Variants in F11 observed in about 807,000 individuals in gnomAD.
The protein encoded by F11 is coagualtion factor XI.
Under a neutral mutation model 76.5 loss-of-function variants are expected in F11, and 78 were observed. That is an observed-to-expected ratio of 1.02 (90% CI 0.85 to 1.23). The LOEUF (loss-of-function observed/expected upper bound fraction) is 1.23. F11 is among the 50% of genes most tolerant of loss of function. The pLI is 0.00. For missense variants in F11, 742 were observed against 771.4 expected (o/e 0.96, Z 0.45); for synonymous variants, 278 against 276.3 (o/e 1.01, Z -0.06).
At position 186,284,200 on chromosome 4, in the gene F11, T is replaced by C. The variant is rs750789555; in HGVS notation, c.1244T>C (p.Leu415Pro). 5 of 1,614,234 alleles carry C rather than the reference T, an allele frequency of 3.1e-6. No homozygotes were observed. The South Asian group carries it at 5.5e-5, about 18-fold the overall frequency. The change falls in exon 11 of 15, where the codon CTG becomes CCG. Residue 415 changes from leucine to proline, a missense_variant. Physicochemically the swap from Leu to Pro is moderately conservative, Grantham distance 98 (BLOSUM62 -3). Coordinates refer to ENST00000403665, the MANE Select transcript of F11 (RefSeq NM_000128.4). ...LHTTSPTQRH[L>P]CGGSIIGNQW... is the part of the protein sequence containing the mutation. ...ACAACCTCACCCACTCAGAGACACC[T>C]GTGTGGAGGCTCCATCATTGGAAAC...
Position 186,285,674 on chromosome 4 carries a change from C to T in F11, c.1341C>T (p.Gly447=). 6.2e-7 allele frequency: 1 copy of T among 1,614,072 alleles called. No individual in the cohort carries two copies. Among genetic ancestry groups the T allele is most frequent in the Non-Finnish European group, 8.5e-7 (1 of 1,180,016 alleles). The part of the protein sequence containing the change: ...ESPKILRVYS[G]ILNQSEIKED... Reference sequence around the variant, plus strand: ...CTAAGATTTTGCGTGTCTACAGTGGCATTTTAAATCAATCTGAAATAAAAG... The same window carrying T: ...CTAAGATTTTGCGTGTCTACAGTGGTATTTTAAATCAATCTGAAATAAAAG... Residue 447 remains glycine, a synonymous_variant, in exon 12 of 15, where the codon GGC becomes GGT. Coordinates refer to ENST00000403665, the MANE Select transcript of F11 (RefSeq NM_000128.4).
At chr4:186,288,431 T>C (rs1202807899) in intron 14 of F11, 22 bp from the exon 15 acceptor site, 1 of 1,613,990 alleles carries the variant, frequency 6.2e-7, no homozygotes, top group Admixed American at 1.7e-5. Context: ...TGTGCACCTT[T>C]TCTTGTCTCC....
chr4:186,282,654 C>T, intron 10 of F11: 1 of 985,096 alleles, frequency 1.0e-6, no homozygotes, highest in South Asian at 4.7e-5. Flanking sequence ...TACTATTTAC[C>T]TATTAATTTT....
At position 186,284,142 on chromosome 4, in the gene F11, C is replaced by T. The variant is rs771896253; in HGVS notation, c.1186C>T (p.Arg396Cys). 14 of 1,614,078 alleles carry T rather than the reference C, an allele frequency of 8.7e-6. No homozygotes were observed. Among genetic ancestry groups the T allele is most frequent in the Middle Eastern group, 1.6e-4 (1 of 6,084 alleles). ...GATCGTTGGAGGAACTGCGTCTGTT[C>T]GTGGTGAGTGGCCGTGGCAGGTGAC... ...PRIVGGTASV[R>C]GEWPWQVTLH... Residue 396 changes from arginine (R) to cysteine (C), a missense_variant, in exon 11 of 15, where the codon CGT becomes TGT. Physicochemically the swap from Arg to Cys is radical, Grantham distance 180 (BLOSUM62 -3). Coordinates refer to ENST00000403665, the MANE Select transcript of F11 (RefSeq NM_000128.4).
intron 3 of F11, among the ~76,000 whole-genome samples, chr4:186,272,205 C>T (rs1465860783): frequency 1.3e-5 from 2 of 152,134 alleles, no homozygotes; most frequent in East Asian, 3.9e-4. Flanking sequence ...ACCAAAACCG[C>T]AATGTTTGCT....
At position 186,274,153 on chromosome 4, in the gene F11, G is replaced by A. The variant is rs1358180761; in HGVS notation, c.363G>A (p.Lys121=). The change falls in exon 5 of 15, where the codon AAG becomes AAA. Residue 121 remains lysine, a synonymous_variant. Transcript: ENST00000403665. ...NKDIYVDLDM[K]GINYNSSVAK... ...ACATTTATGTGGACCTAGACATGAA[G>A]GGCATAAACTATAACAGCTCAGTTG... 2.5e-6 allele frequency: 4 copies of A among 1,614,010 alleles called. No homozygotes were observed. In the Admixed American group the frequency reaches 6.7e-5, roughly 27 times the overall value.
intron 2 of F11, among the ~76,000 whole-genome samples, chr4:186,271,149 ATG>A (rs1320145837): frequency 6.6e-6 from 1 of 152,152 alleles, no homozygotes; most frequent in African/African-American, 2.4e-5. Flanking sequence ...TGGGGTGAGG[ATG>A]TGTGTTATCA....
intron 7 of F11, among the ~76,000 whole-genome samples, chr4:186,279,057 CA>C (rs1417766558): frequency 3.3e-5 from 5 of 152,096 alleles, no homozygotes; most frequent in African/African-American, 1.2e-4. Context: ...TCTATAAGCC[CA>C]AACTTGGCAA....
Position 186,285,766 on chromosome 4 carries a change from G to A in F11, c.1433G>A (p.Gly478Glu). Residue 478 changes from glycine to glutamate, a missense_variant, in exon 12 of 15, where the codon GGG becomes GAG. Transcript: ENST00000403665. ...GATCAGTATAAAATGGCAGAAAGCGGGTATGATATTGCCTTGTTGAAACTG... is the reference window on the plus strand; with the variant it reads ...GATCAGTATAAAATGGCAGAAAGCGAGTATGATATTGCCTTGTTGAAACTG... Reference protein sequence around the residue: ...IHDQYKMAESGYDIALLKLET... With the variant: ...IHDQYKMAESEYDIALLKLET... 1.2e-6 allele frequency: 2 copies of A among 1,614,136 alleles called. No homozygotes were observed. Among genetic ancestry groups the A allele is most frequent in the Non-Finnish European group, 8.5e-7 (1 of 1,180,016 alleles).
Position 186,282,137 on chromosome 4 carries a change from G to T in F11, c.1135+1557G>T, listed in dbSNP as rs1561488200. On this transcript the variant is annotated intron_variant, in intron 10 of 14. Transcript: ENST00000403665. Reference sequence around the variant, plus strand: ...TTAGCAAATGTTGCTGTTAAGTAATGTTGACATGGTTTAATAAAATGGGAA... The same window carrying T: ...TTAGCAAATGTTGCTGTTAAGTAATTTTGACATGGTTTAATAAAATGGGAA... 2.6e-6 allele frequency: 3 copies of T among 1,142,918 alleles called. No homozygotes were observed. The Admixed American group carries it at 8.8e-5, about 34-fold the overall frequency. The allele number at this position is 1,142,918 out of a possible 1,614,324, so 70.8% of individuals were successfully genotyped here.
intron 6 of F11, 133 bp downstream of exon 6, chr4:186,276,029 A>T (rs763485843): frequency 2.1e-6 from 2 of 940,136 alleles, no homozygotes; most frequent in Non-Finnish European, 3.3e-6. Context: ...CATGTGATAG[A>T]TTTCATCATG....
rs746070798 is a variant in F11, at chr4:186,288,560, C to A, written c.1824C>A (p.Tyr608Ter). The A allele has an allele frequency of 8.1e-6, 13 of 1,614,142 alleles. No individual in the cohort carries two copies. The highest frequency in any genetic ancestry group is 1.1e-5 in the Non-Finnish European group (13 of 1,180,034). The part of the protein sequence containing the change: ...GCAQRERPGV[Y>*]TNVVEYVDWI... Reference sequence around the variant, plus strand: ...CTCAAAGGGAGCGGCCAGGTGTTTACACCAACGTGGTCGAGTACGTGGACT... The same window carrying A: ...CTCAAAGGGAGCGGCCAGGTGTTTAAACCAACGTGGTCGAGTACGTGGACT... Residue 608 changes from tyrosine (Y) to a stop codon, truncating the protein, a stop_gained, in exon 15 of 15, where the codon TAC becomes TAA. Coordinates refer to ENST00000403665, the MANE Select transcript of F11 (RefSeq NM_000128.4). LOFTEE classifies it high-confidence loss of function.
chr4:186,280,515 C>A lies in F11; in HGVS notation c.1070C>A (p.Thr357Asn), dbSNP rs201540073. The change falls in exon 10 of 15, where the codon ACT (threonine) becomes AAT (asparagine). Residue 357 changes from threonine to asparagine, a missense_variant. Physicochemically the swap from Thr to Asn is moderately conservative, Grantham distance 65 (BLOSUM62 0). Transcript: ENST00000403665. ...YLKLSSNGSP[T>N]KILHGRGGIS... Reference sequence around the variant, plus strand: ...AAGCTTTCTTCAAACGGATCTCCAACTAAAATACTTCACGGGAGAGGAGGC... The same window carrying A: ...AAGCTTTCTTCAAACGGATCTCCAAATAAAATACTTCACGGGAGAGGAGGC... The A allele has an allele frequency of 8.1e-6, 13 of 1,614,162 alleles. No individual in the cohort carries two copies. The Admixed American group carries it at 1.7e-4, about 21-fold the overall frequency.
chr4:186,280,277 A>T lies in F11; in HGVS notation c.920A>T (p.Asp307Val), dbSNP rs773261994. The change falls in exon 9 of 15, where the codon GAT becomes GTT. Residue 307 changes from aspartate (D) to valine (V), a missense_variant. Coordinates refer to ENST00000403665, the MANE Select transcript of F11 (RefSeq NM_000128.4). The stretch of plus-strand genomic sequence containing the variant: ...ACTGATTTCTTGGGAGAAGAACTGG[A>T]TATTGTTGCTGCAAAAAGTCACGAG... ...HDTDFLGEEL[D>V]IVAAKSHEAC... 1.2e-6 allele frequency: 2 copies of T among 1,614,162 alleles called. No homozygotes were observed. The highest frequency in any genetic ancestry group is 1.7e-5 in the Admixed American group (1 of 60,024).
At position 186,289,029 on chromosome 4, in the gene F11, C is replaced by A; in HGVS notation, c.*415C>A. ...TGGAAGAAAGGAGAACAAAGACAGT[C>A]TTCACCATTTTGCAGGAATCTACAC... On this transcript the variant is annotated 3_prime_UTR_variant, in exon 15 of 15. Transcript: ENST00000403665. The A allele has an allele frequency of 5.1e-6, 1 of 197,198 alleles. No homozygotes were observed. Among genetic ancestry groups the A allele is most frequent in the South Asian group, 9.8e-5 (1 of 10,236 alleles). The allele number at this position is 197,198 out of a possible 1,614,324, so 12.2% of individuals were successfully genotyped here. A position where few individuals can be genotyped will look rare whatever the true frequency, so the allele number is the denominator to read the frequency against.
At chr4:186,275,218 C>A (rs756142511) in intron 5 of F11, 14 of 456,118 alleles carry the variant, frequency 3.1e-5, no homozygotes, top group African/African-American at 2.0e-4. Context: ...TAGCCAGGCG[C>A]GGTGGCTCAC....
In F11 at chr4:186,285,745, A is replaced by C. The variant is rs1223827065; in HGVS notation, c.1412A>C (p.Gln471Pro). 1.1e-5 allele frequency: 17 copies of C among 1,614,204 alleles called. No individual in the cohort carries two copies. The highest frequency in any genetic ancestry group is 1.4e-5 in the Non-Finnish European group (17 of 1,180,006). Residue 471 changes from glutamine (Q) to proline (P), a missense_variant, in exon 12 of 15, where the codon CAG (glutamine) becomes CCG (proline). Physicochemically the swap from Gln to Pro is moderately conservative, Grantham distance 76. Transcript: ENST00000403665. ...FGVQEIIIHD[Q>P]YKMAESGYDI... ...GTTCAAGAAATAATAATCCATGATC[A>C]GTATAAAATGGCAGAAAGCGGGTAT...
intron 7 of F11, among the ~76,000 whole-genome samples, chr4:186,278,467 T>C (rs1188376135): frequency 1.3e-5 from 2 of 152,218 alleles, no homozygotes; most frequent in African/African-American, 4.8e-5. Flanking sequence ...TTTAGTGAAC[T>C]AAATCGACAA....
In F11 at chr4:186,276,689, C is replaced by T. The variant is rs375665148; in HGVS notation, c.755+299C>T. Among the ~76,000 whole-genome samples the T allele has an allele frequency of 2.4e-3, 356 of 149,122 alleles. 2 individuals are homozygous for T. The highest frequency in any genetic ancestry group is 8.3e-3 in the African/African-American group (334 of 40,388). ...GCAACCTTCGCCTCCCAGGTCCAAG[C>T]GATTCTCCTGCCTCAGCCTCCTGAG... On this transcript the variant is annotated intron_variant, in intron 7 of 14. Transcript: ENST00000403665.
Sources: gnomAD v4.1 joint callset for allele counts (sites outside exome capture counted in the v4.1 genomes callset) on GRCh38, gnomAD v4.1.1 for gene constraint, MANE v1.5 for transcripts, NCBI Gene and HGNC (gene_info 2026-07-23, HGNC 2026-07-21) for gene names.